Variants in KCNQ3 observed in about 807,000 individuals in gnomAD.
KCNQ3 encodes potassium voltage-gated channel subfamily Q member 3, also known as potassium voltage-gated channel subfamily KQT member 3.
A neutral mutation model predicts 92.5 loss-of-function variants in KCNQ3; 30 were observed. The ratio of observed to expected loss-of-function variants is 0.32; its 90% CI spans 0.24 to 0.44. The LOEUF (loss-of-function observed/expected upper bound fraction) is 0.44, where lower values mean the gene tolerates loss of function less well. KCNQ3 is among the 20% of genes least tolerant of loss of function. KCNQ3 has a pLI of 1.00. For missense variants in KCNQ3, 913 were observed against 1,140.3 expected, an observed-to-expected ratio of 0.80 and a Z score of 2.87; for synonymous variants, 450 against 468.8, an observed-to-expected ratio of 0.96 and a Z score of 0.52.
chr8:132,359,980 G>C (rs1422419824), intron 1 of KCNQ3, among the ~76,000 whole-genome samples: 1 of 152,104 alleles, frequency 6.6e-6, no homozygotes, highest in Non-Finnish European at 1.5e-5. Flanking sequence ...AGTTTCTCAG[G>C]CTTGAACTGG....
chr8:132,337,666 C>T (rs1418402456), intron 1 of KCNQ3, among the ~76,000 whole-genome samples: 2 of 150,064 alleles, frequency 1.3e-5, no homozygotes, highest in African/African-American at 2.5e-5. Flanking sequence ...ACTCCTCAGA[C>T]CCCCCAGACC....
At chr8:132,413,200 C>T (rs1820698823) in intron 1 of KCNQ3, among the ~76,000 whole-genome samples, 1 of 152,254 alleles carries the variant, frequency 6.6e-6, no homozygotes, top group South Asian at 2.1e-4. Context: ...TACCCAACAC[C>T]TTCAGTGGCT....
intron 1 of KCNQ3, among the ~76,000 whole-genome samples, chr8:132,352,965 G>A (rs1156412244): frequency 6.6e-6 from 1 of 152,208 alleles, no homozygotes; most frequent in Non-Finnish European, 1.5e-5. Flanking sequence ...CACAAAGTAG[G>A]ATTTTAATCC....
In KCNQ3 at chr8:132,129,379, G is replaced by A. The variant is rs1248992112; in HGVS notation, c.2502C>T (p.Ala834=). ...SSWMREKRYL[A]EGETDTDTDP... The stretch of plus-strand genomic sequence containing the variant: ...CCGTGTCTGTGTCCGTCTCACCCTC[G>A]GCGAGGTACCGCTTCTCCCTCATCC... The change falls in exon 15 of 15, where the codon GCC becomes GCT. Residue 834 remains alanine (A), a synonymous_variant. Transcript: ENST00000388996. The surrounding 1 kb of genome is among the most constrained non-coding windows in gnomAD (Gnocchi z 5.9). 6.8e-6 allele frequency: 11 copies of A among 1,614,062 alleles called. No homozygotes were observed. The highest frequency in any genetic ancestry group is 1.3e-5 in the African/African-American group (1 of 74,922).
chr8:132,326,567 C>A (rs924457858), intron 1 of KCNQ3, among the ~76,000 whole-genome samples: 1 of 152,142 alleles, frequency 6.6e-6, no homozygotes, highest in Non-Finnish European at 1.5e-5. Flanking sequence ...AAGGTACCAC[C>A]GTCATGAATG....
intron 1 of KCNQ3, among the ~76,000 whole-genome samples, chr8:132,212,498 G>T (rs1355817448): frequency 6.6e-6 from 1 of 152,040 alleles, no homozygotes; most frequent in East Asian, 1.9e-4. Flanking sequence ...TTCTAGGACT[G>T]ACTTTCAAGC....
intron 4 of KCNQ3, among the ~76,000 whole-genome samples, chr8:132,178,257 G>A (rs1826635103): frequency 6.6e-6 from 1 of 152,134 alleles, no homozygotes; most frequent in African/African-American, 2.4e-5. Context: ...TAAAATAGAA[G>A]GTCAGGAGAA....
At chr8:132,277,259 G>T (rs1816363433) in intron 1 of KCNQ3, among the ~76,000 whole-genome samples, 1 of 152,154 alleles carries the variant, frequency 6.6e-6, no homozygotes, top group African/African-American at 2.4e-5. Context: ...CCTGCTTAAA[G>T]TCACACAGCT....
intron 1 of KCNQ3, among the ~76,000 whole-genome samples, chr8:132,368,879 C>T (rs1819395478): frequency 6.6e-6 from 1 of 151,098 alleles, no homozygotes; most frequent in South Asian, 2.1e-4. Context: ...ACTACAGTCA[C>T]ATTTTTTCAG....
chr8:132,461,049 C>G (rs961158184), intron 1 of KCNQ3, among the ~76,000 whole-genome samples: 2 of 152,150 alleles, frequency 1.3e-5, no homozygotes, highest in African/African-American at 4.8e-5. Flanking sequence ...AAGATTCATT[C>G]CTGTATTTCA....
At chr8:132,351,827 T>C (rs1168449057) in intron 1 of KCNQ3, among the ~76,000 whole-genome samples, 2 of 152,172 alleles carry the variant, frequency 1.3e-5, no homozygotes, top group South Asian at 2.1e-4. Context: ...GACAATCACT[T>C]TGGGTTCCAA....
intron 1 of KCNQ3, among the ~76,000 whole-genome samples, chr8:132,288,560 A>G (rs749743017): frequency 6.6e-6 from 1 of 152,064 alleles, no homozygotes; most frequent in Non-Finnish European, 1.5e-5. Flanking sequence ...GGAGCTACAA[A>G]TTCATCAAGG....
chr8:132,373,772 C>T (rs993498195), intron 1 of KCNQ3, among the ~76,000 whole-genome samples: 5 of 152,172 alleles, frequency 3.3e-5, no homozygotes, highest in African/African-American at 9.7e-5. Flanking sequence ...CTCTGCCGAA[C>T]GACTACAAGG....
At chr8:132,190,015 AC>A (rs1827113602) in intron 1 of KCNQ3, among the ~76,000 whole-genome samples, 2 of 152,074 alleles carry the variant, frequency 1.3e-5, no homozygotes, top group South Asian at 2.1e-4. Flanking sequence ...CAAGCCATCA[AC>A]CACAGCCTCA....
At chr8:132,174,156 T>C (rs1394656303) in intron 6 of KCNQ3, 83 bp downstream of exon 6, 4 of 943,422 alleles carry the variant, frequency 4.2e-6, no homozygotes, top group East Asian at 2.6e-5. Context: ...GGATAGAAGA[T>C]GACACTGGAA....
In KCNQ3 at chr8:132,457,724, G is replaced by T. The variant is rs377176758; in HGVS notation, c.386+22423C>A. On this transcript the variant is annotated intron_variant, in intron 1 of 14. Transcript: ENST00000388996. ...ACCAATCTGCCTTTGTACTGGAGTT[G>T]GTTATTAGCATTACCCTTACCATCA... 5.9e-5 allele frequency among the ~76,000 whole-genome samples: 9 copies of T among 152,208 alleles called. No individual in the cohort carries two copies. The East Asian group carries it at 7.7e-4, about 13-fold the overall frequency.
chr8:132,155,274 G>A (rs773789905), intron 9 of KCNQ3, among the ~76,000 whole-genome samples: 1 of 152,170 alleles, frequency 6.6e-6, no homozygotes, highest in Non-Finnish European at 1.5e-5. Flanking sequence ...TTAATGCTCA[G>A]TGTTTAGGTT....
rs983625630 is a variant in KCNQ3, at chr8:132,129,086, G to A, written c.*176C>T. On this transcript the variant is annotated 3_prime_UTR_variant, in exon 15 of 15. Transcript: ENST00000388996. The surrounding 1 kb of genome is among the most constrained non-coding windows in gnomAD (Gnocchi z 5.9). The stretch of plus-strand genomic sequence containing the variant: ...CATGCTGAAAAGGAAGCACTTTGTT[G>A]TGGTGACATGGGGAGGAAGAGGCTG... The A allele has an allele frequency of 4.6e-6, 3 of 657,728 alleles. No homozygotes were observed. The highest frequency in any genetic ancestry group is 3.7e-5 in the South Asian group (2 of 53,392). The allele number at this position is 657,728 out of a possible 1,614,324, so 40.7% of individuals were successfully genotyped here.
intron 1 of KCNQ3, among the ~76,000 whole-genome samples, chr8:132,264,983 G>A (rs1815934296): frequency 6.6e-6 from 1 of 152,172 alleles, no homozygotes; most frequent in South Asian, 2.1e-4. Context: ...GGTTTAGACA[G>A]ACCTGTGAGT....
Sources: allele counts gnomAD v4.1 joint callset (sites outside exome capture counted in the v4.1 genomes callset), GRCh38; gene constraint gnomAD v4.1.1; non-coding constraint Gnocchi (gnomAD v3.1); transcripts MANE v1.5; gene names NCBI Gene and HGNC (gene_info 2026-07-23, HGNC 2026-07-21).